The following DIS3L2 variants were observed in gnomAD, a reference collection of about 807,000 sequenced individuals.
DIS3L2 encodes DIS3-like exonuclease 2.
A neutral mutation model predicts 97.5 loss-of-function variants in DIS3L2; 34 were observed. The observed-to-expected ratio is 0.35, with a 90% CI of 0.27 to 0.46. The LOEUF (loss-of-function observed/expected upper bound fraction) is 0.46. DIS3L2 is among the 20% of genes least tolerant of loss of function. DIS3L2 has a pLI of 1.00. For synonymous variants in DIS3L2, 435 were observed against 445.2 expected (o/e 0.98, Z 0.29); for missense variants, 1,038 against 1,146.0 (o/e 0.91, Z 1.36).
chr2:232,158,873 A>G (rs1690573681), intron 8 of DIS3L2, among the ~76,000 whole-genome samples: 1 of 152,200 alleles, frequency 6.6e-6, no homozygotes, highest in Non-Finnish European at 1.5e-5. Context: ...ACTAATTATT[A>G]CCTGTCATCA....
At chr2:231,989,786 G>A (rs1327042607) in intron 1 of DIS3L2, among the ~76,000 whole-genome samples, 9 of 152,164 alleles carry the variant, frequency 5.9e-5, no homozygotes, top group African/African-American at 2.2e-4. Flanking sequence ...AGTGAGCTGT[G>A]ATCGTACCAC....
chr2:232,282,142 TAAAAAAAAAAAAA>T (rs60408194), intron 13 of DIS3L2, among the ~76,000 whole-genome samples: 26 of 107,146 alleles, frequency 2.4e-4, no homozygotes, highest in African/African-American at 6.9e-4. Context: ...CTCGTTTATT[TAAAAAAAAAAAAA>T]AAAAAAAAAA....
chr2:232,207,721 A>G (rs1692069605), intron 9 of DIS3L2, among the ~76,000 whole-genome samples: 1 of 152,176 alleles, frequency 6.6e-6, no homozygotes, highest in African/African-American at 2.4e-5. Flanking sequence ...CTTAGTGTCC[A>G]GTAGGGACAC....
At chr2:232,271,956 C>T (rs1694017141) in intron 13 of DIS3L2, among the ~76,000 whole-genome samples, 1 of 152,186 alleles carries the variant, frequency 6.6e-6, no homozygotes. Context: ...AAAACTTGAC[C>T]TAATTATATA....
intron 5 of DIS3L2, among the ~76,000 whole-genome samples, chr2:232,046,504 G>A (rs1206361619): frequency 6.6e-6 from 1 of 152,212 alleles, no homozygotes; most frequent in Admixed American, 6.5e-5. Context: ...GAGAAAGGAG[G>A]AACATATATA....
At position 232,337,096 on chromosome 2, in the gene DIS3L2, T is replaced by C; in HGVS notation, c.*466T>C. Reference sequence around the variant, plus strand: ...TGAGCCGATGTCAACACCTGGAACTTTCCTGTCAGTTCCAACACGATTCAG... The same window carrying C: ...TGAGCCGATGTCAACACCTGGAACTCTCCTGTCAGTTCCAACACGATTCAG... On this transcript the variant is annotated 3_prime_UTR_variant, in exon 21 of 21. Coordinates refer to ENST00000325385, the MANE Select transcript of DIS3L2 (RefSeq NM_152383.5). The C allele has an allele frequency of 9.8e-7, 1 of 1,022,484 alleles. No homozygotes were observed. Among genetic ancestry groups the C allele is most frequent in the Non-Finnish European group, 1.2e-6 (1 of 855,048 alleles). The allele number at this position is 1,022,484 out of a possible 1,614,324, so 63.3% of individuals were successfully genotyped here.
In DIS3L2 at chr2:232,140,130, A is replaced by G. The variant is rs577685901; in HGVS notation, c.950+3411A>G. Among the ~76,000 whole-genome samples, 5 of 152,222 alleles carry G rather than the reference A, an allele frequency of 3.3e-5. No individual in the cohort carries two copies. In the East Asian group the frequency reaches 9.6e-4, roughly 29 times the overall value. ...TGTTCATAGTTCCAAACTTTTGCAC[A>G]TTACACTTCCTTTCCTAACAGTGGC... On this transcript the variant is annotated intron_variant, in intron 8 of 20. Transcript: ENST00000325385.
In DIS3L2 at chr2:232,048,423, AT is replaced by A. The variant is rs139377588; in HGVS notation, c.366+18344del. ...ATCAAAAGTTCTCTCTTAAAAAAAA[AT>A]CTTGTGGGCACTTAATAAGAGTTGT... On this transcript the variant is annotated intron_variant, in intron 5 of 20. Coordinates refer to ENST00000325385, the MANE Select transcript of DIS3L2 (RefSeq NM_152383.5). Among the ~76,000 whole-genome samples, 1,074 of 152,198 alleles carry A rather than the reference AT, an allele frequency of 7.1e-3. 12 individuals are homozygous for A. The highest frequency in any genetic ancestry group is 0.025 in the African/African-American group (1,038 of 41,536).
At chr2:232,001,943 AC>A (rs1315354180) in intron 1 of DIS3L2, among the ~76,000 whole-genome samples, 2 of 151,848 alleles carry the variant, frequency 1.3e-5, no homozygotes, top group African/African-American at 4.8e-5. Flanking sequence ...CTGGTCTGGA[AC>A]TCCTGACCTC....
At chr2:232,312,485 A>G (rs993192627) in intron 14 of DIS3L2, among the ~76,000 whole-genome samples, 1 of 152,238 alleles carries the variant, frequency 6.6e-6, no homozygotes, top group Admixed American at 6.5e-5. Context: ...CCAGTACCAC[A>G]CTACCTTCAT....
rs572021889 is a variant in DIS3L2, at chr2:232,281,255, C to T, written c.1659+17815C>T. ...TCTACTAAAAATACAAAAAATTAGCCGGGCGTGGTGGCGGGCGCCTGTGGT... is the reference window on the plus strand; with the variant it reads ...TCTACTAAAAATACAAAAAATTAGCTGGGCGTGGTGGCGGGCGCCTGTGGT... On this transcript the variant is annotated intron_variant, in intron 13 of 20. Transcript: ENST00000325385. The surrounding 1 kb of genome is among the most constrained non-coding windows in gnomAD (Gnocchi z 4.1). Among the ~76,000 whole-genome samples the T allele has an allele frequency of 3.3e-5, 5 of 152,168 alleles. No individual in the cohort carries two copies. Among genetic ancestry groups the T allele is most frequent in the East Asian group, 1.9e-4 (1 of 5,186 alleles).
At chr2:232,156,508 A>G (rs1690499368) in intron 8 of DIS3L2, among the ~76,000 whole-genome samples, 1 of 150,452 alleles carries the variant, frequency 6.6e-6, no homozygotes, top group Non-Finnish European at 1.5e-5. Context: ...TTTTTTTAAT[A>G]GAATGTTTGG....
chr2:232,193,731 A>T (rs1017294637), intron 9 of DIS3L2, among the ~76,000 whole-genome samples: 2 of 152,228 alleles, frequency 1.3e-5, no homozygotes, highest in African/African-American at 4.8e-5. Context: ...GTATCACCCA[A>T]AGTAGTTTCA....
chr2:232,123,379 C>T (rs1697964865), intron 6 of DIS3L2, among the ~76,000 whole-genome samples: 1 of 152,020 alleles, frequency 6.6e-6, no homozygotes, highest in Admixed American at 6.5e-5. Context: ...TGTGAGTACC[C>T]ACTTCTCCAT....
In DIS3L2 at chr2:232,030,187, G is replaced by A. The variant is rs533524742; in HGVS notation, c.366+107G>A. 113 of 880,334 alleles carry A rather than the reference G, an allele frequency of 1.3e-4. No homozygotes were observed. In the African/African-American group the frequency reaches 1.5e-3, roughly 12 times the overall value. The allele number at this position is 880,334 out of a possible 1,614,324, so 54.5% of individuals were successfully genotyped here. ...TGGAGGAGTCACAGACCCCTTAGGC[G>A]CTGTGATAAGATGGGGTGTAATCTT... On this transcript the variant is annotated intron_variant, in intron 5 of 20. Coordinates refer to ENST00000325385, the MANE Select transcript of DIS3L2 (RefSeq NM_152383.5).
intron 14 of DIS3L2, among the ~76,000 whole-genome samples, chr2:232,317,820 CATA>C (rs1263424363): frequency 6.6e-6 from 1 of 152,144 alleles, no homozygotes. Context: ...AGAAGGTTTT[CATA>C]ATAACACTAA....
Position 232,269,202 on chromosome 2 carries a change from GC to G in DIS3L2, c.1659+5767del, listed in dbSNP as rs1693921960. Among the ~76,000 whole-genome samples the G allele has an allele frequency of 1.3e-5, 2 of 152,086 alleles. No individual in the cohort carries two copies. Among genetic ancestry groups the G allele is most frequent in the South Asian group, 2.1e-4 (1 of 4,824 alleles). Reference sequence around the variant, plus strand: ...CTGTGTAGCATTTCTCCCCCACACTGCCCCCATTGCCAAATGTAGCTGTATG... The same window carrying G: ...CTGTGTAGCATTTCTCCCCCACACTGCCCCATTGCCAAATGTAGCTGTATG... On this transcript the variant is annotated intron_variant, in intron 13 of 20. Coordinates refer to ENST00000325385, the MANE Select transcript of DIS3L2 (RefSeq NM_152383.5). This position sits in a 1 kb window ranked among gnomAD's most constrained non-coding sequence, Gnocchi z 4.5.
intron 6 of DIS3L2, among the ~76,000 whole-genome samples, chr2:232,095,127 T>G (rs1487502925): frequency 2.0e-5 from 3 of 152,186 alleles, no homozygotes; most frequent in Admixed American, 6.5e-5. Context: ...TGTCTTTGTA[T>G]TGGAAAGTTC....
chr2:232,247,540 A>T (rs1483227493), intron 11 of DIS3L2, among the ~76,000 whole-genome samples: 1 of 144,278 alleles, frequency 6.9e-6, no homozygotes, highest in East Asian at 2.1e-4. Flanking sequence ...TCCTCATTTA[A>T]CCTTACTTAC....
Sources: gnomAD v4.1 joint callset for allele counts (sites outside exome capture counted in the v4.1 genomes callset) on GRCh38, gnomAD v4.1.1 for gene constraint, Gnocchi (gnomAD v3.1) non-coding constraint, MANE v1.5 for transcripts, NCBI Gene and HGNC (gene_info 2026-07-23, HGNC 2026-07-21) for gene names.